The following NR3C1 variants were observed in gnomAD, a reference collection of about 807,000 sequenced individuals.
The protein encoded by NR3C1 is nuclear receptor subfamily 3 group C member 1.
NR3C1 carries 14 observed loss-of-function variants against 74.0 expected under a neutral mutation model. That is an observed-to-expected ratio of 0.19 (90% CI 0.12 to 0.30). The LOEUF is 0.30. Ranked by LOEUF, NR3C1 falls within the 10% of genes least tolerant of loss-of-function variation. The pLI is 1.00. For missense variants in NR3C1, 695 were observed against 909.8 expected (o/e 0.76, Z 3.04); for synonymous variants, 308 against 332.5 (o/e 0.93, Z 0.80).
At chr5:143,346,056 A>G (rs1600149577) in intron 2 of NR3C1, among the ~76,000 whole-genome samples, 2 of 152,234 alleles carry the variant, frequency 1.3e-5, no homozygotes, top group South Asian at 4.1e-4. Flanking sequence ...TATGCTAAAC[A>G]TACAATGTTA....
At chr5:143,317,079 G>A (rs1822279032) in intron 2 of NR3C1, among the ~76,000 whole-genome samples, 1 of 152,160 alleles carries the variant, frequency 6.6e-6, no homozygotes, top group African/African-American at 2.4e-5. Context: ...GCTGCCAGAT[G>A]TACCATAGAC....
In NR3C1 at chr5:143,403,426, C is replaced by T; in HGVS notation, c.-229G>A. ...CCAGCTGACAAGCCAGCCCTCCGCC[C>T]CGCGCCGGGCTCCGCGGGTCGAGGT... On this transcript the variant is annotated 5_prime_UTR_variant, in exon 1 of 9. Coordinates refer to ENST00000394464, the MANE Select transcript of NR3C1 (RefSeq NM_000176.3). The T allele has an allele frequency of 1.0e-6, 1 of 962,702 alleles. No homozygotes were observed. Among genetic ancestry groups the T allele is most frequent in the Non-Finnish European group, 1.2e-6 (1 of 822,222 alleles). 59.6% of individuals were successfully genotyped at this position (962,702 alleles called of 1,614,324 possible).
chr5:143,429,539 A>G (rs928761816), intron 1 of NR3C1, among the ~76,000 whole-genome samples: 1 of 152,186 alleles, frequency 6.6e-6, no homozygotes, highest in Admixed American at 6.5e-5. Flanking sequence ...CAAAATCTAA[A>G]CTTGAACTGT....
At chr5:143,373,236 A>C (rs890495278) in intron 2 of NR3C1, among the ~76,000 whole-genome samples, 66 of 152,110 alleles carry the variant, frequency 4.3e-4, no homozygotes, top group African/African-American at 1.6e-3. Context: ...GGAAAAAAAA[A>C]CTCTTATAAA....
intron 2 of NR3C1, among the ~76,000 whole-genome samples, chr5:143,318,408 ATC>A (rs1822629101): frequency 6.6e-6 from 1 of 152,132 alleles, no homozygotes; most frequent in African/African-American, 2.4e-5. Flanking sequence ...CTTTGAATGT[ATC>A]TTTTACCCAT....
At chr5:143,309,235 G>A (rs1476750976) in intron 4 of NR3C1, among the ~76,000 whole-genome samples, 2 of 151,932 alleles carry the variant, frequency 1.3e-5, no homozygotes, top group South Asian at 2.1e-4. Flanking sequence ...ACCACGCTCC[G>A]CTAATTTTTG....
chr5:143,355,795 C>T (rs1191266101), intron 2 of NR3C1, among the ~76,000 whole-genome samples: 4 of 152,122 alleles, frequency 2.6e-5, no homozygotes, highest in African/African-American at 9.7e-5. Context: ...CCCTAAAAGA[C>T]CTTATGAAAT....
intron 1 of NR3C1, among the ~76,000 whole-genome samples, chr5:143,428,267 C>A (rs891992596): frequency 2.0e-5 from 3 of 152,176 alleles, no homozygotes; most frequent in Admixed American, 6.5e-5. Flanking sequence ...CATTCAGGAG[C>A]TTGCTTTCAA....
chr5:143,287,886 G>GCATTCACATACTGTA (rs1184850162), intron 7 of NR3C1, among the ~76,000 whole-genome samples: 9 of 152,056 alleles, frequency 5.9e-5, no homozygotes, highest in African/African-American at 1.7e-4. Context: ...TAGAACACAA[G>GCATTCACATACTGTA]CATTCACATA....
At chr5:143,294,825 C>A (rs892457283) in intron 7 of NR3C1, 1 of 708,568 alleles carries the variant, frequency 1.4e-6, no homozygotes, top group African/African-American at 1.9e-5. Flanking sequence ...CAGCTTATTT[C>A]TTTTTAGTCC....
chr5:143,394,324 T>C (rs1221303776), intron 2 of NR3C1, among the ~76,000 whole-genome samples: 1 of 152,026 alleles, frequency 6.6e-6, no homozygotes, highest in African/African-American at 2.4e-5. Context: ...TATTGCAATA[T>C]AAATGGTTTA....
intron 2 of NR3C1, among the ~76,000 whole-genome samples, chr5:143,366,593 A>T (rs575479965): frequency 6.6e-6 from 1 of 151,980 alleles, no homozygotes; most frequent in Non-Finnish European, 1.5e-5. Flanking sequence ...AGGAGAGAAG[A>T]CTCTTAAATT....
At chr5:143,311,785 A>G (rs907998966) in intron 3 of NR3C1, among the ~76,000 whole-genome samples, 1 of 143,968 alleles carries the variant, frequency 6.9e-6, no homozygotes, top group Non-Finnish European at 1.5e-5. Flanking sequence ...ATGCCTGGAT[A>G]ACGTTTTTTT....
At chr5:143,372,968 A>G (rs569731288) in intron 2 of NR3C1, among the ~76,000 whole-genome samples, 7 of 152,334 alleles carry the variant, frequency 4.6e-5, no homozygotes, top group Non-Finnish European at 1.0e-4. Context: ...CAAAACAAGC[A>G]AAAAATAAAA....
At chr5:143,289,998 T>G (rs1381186152) in intron 7 of NR3C1, among the ~76,000 whole-genome samples, 2 of 152,218 alleles carry the variant, frequency 1.3e-5, no homozygotes, top group African/African-American at 4.8e-5. Context: ...ATATCCTTAT[T>G]TTTTTGTCTG....
intron 1 of NR3C1, among the ~76,000 whole-genome samples, chr5:143,424,540 A>C (rs1751431769): frequency 6.6e-6 from 1 of 152,286 alleles, no homozygotes; most frequent in East Asian, 1.9e-4. Context: ...TTTTAAAAGA[A>C]AAAAAACCCC....
chr5:143,412,443 C>T (rs1484894305), intron 1 of NR3C1, among the ~76,000 whole-genome samples: 1 of 152,064 alleles, frequency 6.6e-6, no homozygotes, highest in African/African-American at 2.4e-5. Flanking sequence ...TCACATTTGG[C>T]AATTTTAATT....
At chr5:143,334,826 G>T (rs1826771745) in intron 2 of NR3C1, among the ~76,000 whole-genome samples, 1 of 152,124 alleles carries the variant, frequency 6.6e-6, no homozygotes, top group African/African-American at 2.4e-5. Flanking sequence ...GCCTGAGGAG[G>T]AACTCTGTCC....
intron 2 of NR3C1, among the ~76,000 whole-genome samples, chr5:143,328,918 T>G (rs1161057158): frequency 6.6e-6 from 1 of 152,184 alleles, no homozygotes; most frequent in East Asian, 1.9e-4. Flanking sequence ...GTTCCAAACT[T>G]TCCTATATCT....
Sources: gnomAD v4.1 joint callset for allele counts (sites outside exome capture counted in the v4.1 genomes callset) on GRCh38, gnomAD v4.1.1 for gene constraint, MANE v1.5 for transcripts, NCBI Gene and HGNC (gene_info 2026-07-23, HGNC 2026-07-21) for gene names.